RBMS3: variants seen among roughly 807,000 people sequenced by gnomAD.
The protein encoded by RBMS3 is RNA binding motif single stranded interacting protein 3.
RBMS3 carries 27 observed loss-of-function variants against 66.8 expected under a neutral mutation model. The ratio of observed to expected loss-of-function variants is 0.40; its 90% confidence interval spans 0.30 to 0.56. RBMS3 has a LOEUF of 0.56. RBMS3 is among the 20% of genes least tolerant of loss of function. The probability of loss-of-function intolerance (pLI) is 0.40; values close to 1 mark genes in which losing one functional copy is unlikely to be tolerated. For synonymous variants in RBMS3, 188 were observed against 183.0 expected, an observed-to-expected ratio of 1.03 and a Z score of -0.22; for missense variants, 513 against 549.5, an observed-to-expected ratio of 0.93 and a Z score of 0.66.
intron 1 of RBMS3, among the ~76,000 whole-genome samples, chr3:29,408,604 T>C (rs13099074): frequency 2.6e-5 from 4 of 152,094 alleles, no homozygotes; most frequent in African/African-American, 9.7e-5. Flanking sequence ...AGGCACAGAC[T>C]TCTGACTCTC....
chr3:29,537,368 C>A (rs1177853454), intron 3 of RBMS3, among the ~76,000 whole-genome samples: 1 of 152,170 alleles, frequency 6.6e-6, no homozygotes, highest in East Asian at 1.9e-4. Context: ...GCTTTCACAT[C>A]TGCTCCCTCG....
At chr3:29,937,663 G>T (rs1435045601) in intron 11 of RBMS3, among the ~76,000 whole-genome samples, 2 of 151,902 alleles carry the variant, frequency 1.3e-5, no homozygotes, top group Non-Finnish European at 2.9e-5. Context: ...TGGATCAAAT[G>T]ATCTCTTAGG....
chr3:29,684,102 C>G (rs1489068091), intron 4 of RBMS3, among the ~76,000 whole-genome samples: 1 of 152,162 alleles, frequency 6.6e-6, no homozygotes, highest in African/African-American at 2.4e-5. Context: ...TTCATTTTCT[C>G]TTTTGACTAT....
At position 29,557,979 on chromosome 3, in the gene RBMS3, A is replaced by G. The variant is rs73831603; in HGVS notation, c.308-29135A>G. ...TTTTAGTAAACAGGAAAAGAAAGCC[A>G]CAAAATAGACAAGCTGAGATAAAGG... On this transcript the variant is annotated intron_variant, in intron 3 of 14. Coordinates refer to ENST00000383767, the MANE Select transcript of RBMS3 (RefSeq NM_001003793.3). Among the ~76,000 whole-genome samples, 364 of 152,292 alleles carry G rather than the reference A, an allele frequency of 2.4e-3. 2 individuals carry two copies. Among genetic ancestry groups the G allele is most frequent in the African/African-American group, 8.4e-3 (350 of 41,564 alleles).
intron 4 of RBMS3, among the ~76,000 whole-genome samples, chr3:29,724,214 A>G (rs1462274965): frequency 6.6e-6 from 1 of 152,176 alleles, no homozygotes; most frequent in East Asian, 1.9e-4. Flanking sequence ...ACATCTAGTA[A>G]GTTTACACTT....
intron 2 of RBMS3, among the ~76,000 whole-genome samples, chr3:29,456,623 A>G (rs2042199959): frequency 6.6e-6 from 1 of 152,160 alleles, no homozygotes; most frequent in Admixed American, 6.5e-5. Context: ...AGTAAAGACC[A>G]TTTTCACAGT....
intron 3 of RBMS3, among the ~76,000 whole-genome samples, chr3:29,519,984 T>C (rs1030669353): frequency 6.6e-6 from 1 of 152,226 alleles, no homozygotes; most frequent in African/African-American, 2.4e-5. Flanking sequence ...TTCATATAAG[T>C]ATTTTTATTA....
chr3:29,686,344 G>A (rs984858915), intron 4 of RBMS3, among the ~76,000 whole-genome samples: 1 of 152,218 alleles, frequency 6.6e-6, no homozygotes, highest in Admixed American at 6.5e-5. Flanking sequence ...AGGGCTTGGT[G>A]TATATTCATT....
intron 12 of RBMS3, among the ~76,000 whole-genome samples, chr3:29,978,710 C>T (rs6789033): frequency 0.022 from 3,397 of 151,984 alleles, 126 homozygotes; most frequent in African/African-American, 0.077. Context: ...ATATTTCTTA[C>T]TTAAATTATT....
intron 3 of RBMS3, among the ~76,000 whole-genome samples, chr3:29,529,311 T>C (rs2045259210): frequency 6.6e-6 from 1 of 152,136 alleles, no homozygotes; most frequent in Non-Finnish European, 1.5e-5. Flanking sequence ...AAATTGTGTC[T>C]ATAACTTCTA....
intron 3 of RBMS3, among the ~76,000 whole-genome samples, chr3:29,552,329 A>G (rs1332990528): frequency 6.6e-6 from 1 of 152,128 alleles, no homozygotes. Flanking sequence ...TAAGATCTAA[A>G]CTGCCACACT....
At chr3:29,392,709 A>T (rs2039356236) in intron 1 of RBMS3, among the ~76,000 whole-genome samples, 1 of 152,208 alleles carries the variant, frequency 6.6e-6, no homozygotes, top group South Asian at 2.1e-4. Context: ...AATGTTAAAC[A>T]CACAGACATA....
Position 29,880,883 on chromosome 3 carries a change from C to A in RBMS3, c.745-3279C>A. 6 of 1,444,048 alleles carry A rather than the reference C, an allele frequency of 4.2e-6. No individual in the cohort carries two copies. In the South Asian group the frequency reaches 7.3e-5, roughly 18 times the overall value. 89.5% of individuals were successfully genotyped at this position (1,444,048 alleles called of 1,614,324 possible). On this transcript the variant is annotated intron_variant, in intron 7 of 14. Coordinates refer to ENST00000383767, the MANE Select transcript of RBMS3 (RefSeq NM_001003793.3). ...AAAATCTCACCTTAGATTCTCTCCA[C>A]CTCCCTCTCCCAAGGTACCTACTCT...
chr3:29,950,932 T>C lies in RBMS3; in HGVS notation c.1098+6678T>C, dbSNP rs149290327. ...ATGAATGAATATACTTATTTTTAAC[T>C]AACAATGTAAAATACCCAGCTTAAT... On this transcript the variant is annotated intron_variant, in intron 12 of 14. Transcript: ENST00000383767. Among the ~76,000 whole-genome samples the C allele has an allele frequency of 4.5e-3, 681 of 151,986 alleles. 2 individuals carry two copies. Among genetic ancestry groups the C allele is most frequent in the South Asian group, 0.02 (96 of 4,816 alleles).
At chr3:29,516,194 C>T (rs2044612171) in intron 3 of RBMS3, among the ~76,000 whole-genome samples, 3 of 152,026 alleles carry the variant, frequency 2.0e-5, no homozygotes, top group African/African-American at 4.8e-5. Context: ...TCGTTTTAGC[C>T]GAGGTGTGGA....
intron 4 of RBMS3, among the ~76,000 whole-genome samples, chr3:29,670,247 A>G (rs1416152506): frequency 6.6e-6 from 1 of 152,176 alleles, no homozygotes; most frequent in East Asian, 1.9e-4. Context: ...AAATAGGGTC[A>G]TTGAAGATTT....
At chr3:29,708,486 G>A (rs1464306616) in intron 4 of RBMS3, among the ~76,000 whole-genome samples, 4 of 152,168 alleles carry the variant, frequency 2.6e-5, no homozygotes, top group Admixed American at 1.3e-4. Flanking sequence ...TTCCTACAGA[G>A]TTAGAATTAG....
intron 6 of RBMS3, among the ~76,000 whole-genome samples, chr3:29,866,922 C>A (rs1169790381): frequency 6.6e-6 from 1 of 152,090 alleles, no homozygotes; most frequent in African/African-American, 2.4e-5. Flanking sequence ...ATTGAATGCT[C>A]TCTCTATACA....
intron 12 of RBMS3, among the ~76,000 whole-genome samples, chr3:29,966,991 C>A (rs1696893044): frequency 6.6e-6 from 1 of 152,174 alleles, no homozygotes; most frequent in South Asian, 2.1e-4. Context: ...GTGTATCACA[C>A]TTATTGACTT....
Sources: allele counts gnomAD v4.1 joint callset (sites outside exome capture counted in the v4.1 genomes callset), GRCh38; gene constraint gnomAD v4.1.1; transcripts MANE v1.5; gene names NCBI Gene and HGNC (gene_info 2026-07-23, HGNC 2026-07-21).